The following CACNG3 variants were observed in gnomAD, a reference collection of about 807,000 sequenced individuals.
CACNG3 encodes the protein voltage-dependent calcium channel gamma-3 subunit.
A neutral mutation model predicts 28.5 loss-of-function variants in CACNG3; 3 were observed. The ratio of observed to expected loss-of-function variants is 0.11; its 90% CI spans 0.05 to 0.27. The LOEUF (loss-of-function observed/expected upper bound fraction) is 0.27, where lower values mean the gene tolerates loss of function less well. Ranked by LOEUF, CACNG3 falls within the 10% of genes least tolerant of loss-of-function variation. CACNG3 has a pLI of 1.00. For missense variants in CACNG3, 236 were observed against 414.4 expected (o/e 0.57, Z 3.74); for synonymous variants, 174 against 162.2 (o/e 1.07, Z -0.55).
intron 3 of CACNG3, among the ~76,000 whole-genome samples, chr16:24,359,864 AAAAAC>A (rs139365514): frequency 0.12 from 18,603 of 151,940 alleles, 1,330 homozygotes; most frequent in South Asian, 0.2. Flanking sequence ...TCCTATCTCT[AAAAAC>A]AAAACAAAAC....
At chr16:24,353,699 T>A (rs1464662969) in intron 2 of CACNG3, among the ~76,000 whole-genome samples, 1 of 152,190 alleles carries the variant, frequency 6.6e-6, no homozygotes, top group East Asian at 1.9e-4. Context: ...CAAGAAATAT[T>A]TGTCAAATGA....
chr16:24,346,817 C>A lies in CACNG3; in HGVS notation c.295C>A (p.Arg99=), dbSNP rs200755015. 4.3e-6 allele frequency: 7 copies of A among 1,612,954 alleles called. No individual in the cohort carries two copies. The highest frequency in any genetic ancestry group is 1.3e-5 in the African/African-American group (1 of 75,022). The change falls in exon 2 of 4, where the codon CGA becomes AGA. Residue 99 remains arginine (R), a splice_region_variant and synonymous_variant. Coordinates refer to ENST00000005284, the MANE Select transcript of CACNG3 (RefSeq NM_006539.4). ...ACAGGACACAGCCGAATATCTCCTGCGTAAGTTCCCCGGCTTCTCGGGTCT... is the reference window on the plus strand; with the variant it reads ...ACAGGACACAGCCGAATATCTCCTGAGTAAGTTCCCCGGCTTCTCGGGTCT... ...YEQDTAEYLL[R]AVRASSVFPI...
intron 1 of CACNG3, among the ~76,000 whole-genome samples, chr16:24,290,956 A>G (rs1898957769): frequency 6.6e-6 from 1 of 152,180 alleles, no homozygotes; most frequent in Admixed American, 6.5e-5. Flanking sequence ...GTGAAGGCAG[A>G]TGGCAAACTC....
At chr16:24,343,134 G>T (rs1000486674) in intron 1 of CACNG3, among the ~76,000 whole-genome samples, 1 of 151,922 alleles carries the variant, frequency 6.6e-6, no homozygotes, top group South Asian at 2.1e-4. Context: ...GGTTGCAGTG[G>T]GCTATGATTA....
chr16:24,308,146 G>C (rs1899211188), intron 1 of CACNG3, among the ~76,000 whole-genome samples: 2 of 152,202 alleles, frequency 1.3e-5, no homozygotes, highest in Admixed American at 6.5e-5. Context: ...TTTGACTGTG[G>C]ATACTCAGAA....
intron 1 of CACNG3, among the ~76,000 whole-genome samples, chr16:24,265,350 G>GGAAAGAAAGAAAAAGGAAA (rs1898587448): frequency 7.2e-6 from 1 of 138,710 alleles, no homozygotes; most frequent in Non-Finnish European, 1.5e-5. Flanking sequence ...GAAAGAAAAA[G>GGAAAGAAAGAAAAAGGAAA]GAAAGAAAGA....
At chr16:24,270,313 C>T (rs1314146435) in intron 1 of CACNG3, among the ~76,000 whole-genome samples, 1 of 152,176 alleles carries the variant, frequency 6.6e-6, no homozygotes, top group Non-Finnish European at 1.5e-5. Flanking sequence ...TTGCAAATTA[C>T]AGGAGAGCAG....
intron 1 of CACNG3, among the ~76,000 whole-genome samples, chr16:24,262,276 C>A (rs922544647): frequency 1.3e-5 from 2 of 152,130 alleles, no homozygotes; most frequent in African/African-American, 4.8e-5. Context: ...CTCCTTGCCA[C>A]TAAAGCCTGA....
intron 1 of CACNG3, among the ~76,000 whole-genome samples, chr16:24,330,440 G>A (rs1899616591): frequency 6.6e-6 from 1 of 152,198 alleles, no homozygotes; most frequent in Non-Finnish European, 1.5e-5. Flanking sequence ...AGTTTTTTGT[G>A]AGGTTATGAC....
intron 3 of CACNG3, among the ~76,000 whole-genome samples, chr16:24,360,466 G>A (rs890778471): frequency 6.6e-6 from 1 of 152,116 alleles, no homozygotes; most frequent in African/African-American, 2.4e-5. Flanking sequence ...CCAAGTCCTG[G>A]TGCCCTGGTG....
rs1347129905 is a variant in CACNG3 at position 24,351,651 on chromosome 16, G to A, written c.296-3182G>A. Among the ~76,000 whole-genome samples the A allele has an allele frequency of 1.8e-4, 21 of 118,450 alleles. No homozygotes were observed. In the South Asian group the frequency reaches 6.0e-3, roughly 34 times the overall value. 77.7% of individuals were successfully genotyped at this position (118,450 alleles called of 152,430 possible). A position where few individuals can be genotyped will look rare whatever the true frequency, so the allele number is the denominator to read the frequency against. On this transcript the variant is annotated intron_variant, in intron 2 of 3. Coordinates refer to ENST00000005284, the MANE Select transcript of CACNG3 (RefSeq NM_006539.4). ...GGAAGGGGAAGGGGAAGGGGAGGGG[G>A]AAAGACAGACGAAAGAAAGAAAGAA...
chr16:24,325,802 G>C (rs1277934005), intron 1 of CACNG3, among the ~76,000 whole-genome samples: 1 of 152,256 alleles, frequency 6.6e-6, no homozygotes, highest in Non-Finnish European at 1.5e-5. Flanking sequence ...TACATGGTTA[G>C]AGCTTAATAA....
chr16:24,335,543 C>G (rs1230764168), intron 1 of CACNG3, among the ~76,000 whole-genome samples: 3 of 152,224 alleles, frequency 2.0e-5, no homozygotes, highest in African/African-American at 7.2e-5. Context: ...ACTGACTTTT[C>G]TATTCCTACT....
intron 1 of CACNG3, among the ~76,000 whole-genome samples, chr16:24,343,706 GT>G (rs1463895948): frequency 6.6e-6 from 1 of 152,210 alleles, no homozygotes; most frequent in Non-Finnish European, 1.5e-5. Context: ...GGGTCAGCTG[GT>G]AAATGTCAAG....
At chr16:24,278,029 A>G (rs1898775491) in intron 1 of CACNG3, among the ~76,000 whole-genome samples, 1 of 152,148 alleles carries the variant, frequency 6.6e-6, no homozygotes, top group Non-Finnish European at 1.5e-5. Context: ...GATGACTTTA[A>G]ACTGTGGTCA....
intron 1 of CACNG3, among the ~76,000 whole-genome samples, chr16:24,287,509 C>T (rs1311017680): frequency 1.6e-5 from 2 of 122,990 alleles, no homozygotes; most frequent in Non-Finnish European, 3.3e-5. Flanking sequence ...CAAAGCGAGA[C>T]TCTCCAAAAA....
chr16:24,295,935 G>A (rs144041314), intron 1 of CACNG3, among the ~76,000 whole-genome samples: 294 of 152,304 alleles, frequency 1.9e-3, no homozygotes, highest in Middle Eastern at 0.01. Context: ...GGCTTAGAGA[G>A]GTTAAGAAAC....
At chr16:24,307,284 G>A (rs1210500102) in intron 1 of CACNG3, among the ~76,000 whole-genome samples, 1 of 152,086 alleles carries the variant, frequency 6.6e-6, no homozygotes, top group Non-Finnish European at 1.5e-5. Flanking sequence ...ACCATACCCA[G>A]CTAATTTTTG....
At chr16:24,269,785 G>A (rs1459914999) in intron 1 of CACNG3, among the ~76,000 whole-genome samples, 12 of 125,786 alleles carry the variant, frequency 9.5e-5, no homozygotes, top group Admixed American at 2.3e-4. Flanking sequence ...AAGAAAGAAA[G>A]AAAAAGAAAG....
Sources: gnomAD v4.1 joint callset for allele counts (sites outside exome capture counted in the v4.1 genomes callset) on GRCh38, gnomAD v4.1.1 for gene constraint, MANE v1.5 for transcripts, NCBI Gene and HGNC (gene_info 2026-07-23, HGNC 2026-07-21) for gene names.